Variants in CNTN5 observed in about 807,000 individuals in gnomAD.
CNTN5 encodes contactin-5.
In CNTN5, 77 loss-of-function variants were observed where a neutral mutation model predicts 129.1. The observed-to-expected ratio is 0.60, with a 90% CI of 0.50 to 0.72. The LOEUF (loss-of-function observed/expected upper bound fraction) is 0.72, where lower values mean the gene tolerates loss of function less well. CNTN5 is among the 30% of genes least tolerant of loss of function. CNTN5 has a pLI of 0.00. For synonymous variants in CNTN5, 509 were observed against 465.6 expected (o/e 1.09, Z -1.20); for missense variants, 1,478 against 1,328.8 (o/e 1.11, Z -1.75).
chr11:99,557,599 T>C (rs1486640117), intron 3 of CNTN5, among the ~76,000 whole-genome samples: 1 of 151,536 alleles, frequency 6.6e-6, no homozygotes, highest in African/African-American at 2.4e-5. Flanking sequence ...TAGAATCATT[T>C]AAGCTATATT....
At chr11:99,792,122 T>C (rs1376689409) in intron 3 of CNTN5, among the ~76,000 whole-genome samples, 5 of 152,068 alleles carry the variant, frequency 3.3e-5, no homozygotes, top group Admixed American at 6.6e-5. Context: ...TTGGCCAGGA[T>C]CTCCAATACT....
intron 1 of CNTN5, among the ~76,000 whole-genome samples, chr11:99,249,518 C>A (rs1178302407): frequency 6.6e-6 from 1 of 151,992 alleles, no homozygotes; most frequent in Non-Finnish European, 1.5e-5. Context: ...GAAAATATAT[C>A]AACCAGAAGT....
At chr11:99,677,066 G>C (rs997580417) in intron 3 of CNTN5, among the ~76,000 whole-genome samples, 2 of 148,820 alleles carry the variant, frequency 1.3e-5, no homozygotes, top group African/African-American at 4.9e-5. Flanking sequence ...AAATAAAAAC[G>C]TTCTAAATCT....
At chr11:100,117,615 C>T (rs922960644) in intron 13 of CNTN5, among the ~76,000 whole-genome samples, 2 of 151,902 alleles carry the variant, frequency 1.3e-5, no homozygotes, top group Admixed American at 6.6e-5. Context: ...ATTACCTTCA[C>T]CACCTGAAAA....
chr11:99,239,147 T>C (rs1327096325), intron 1 of CNTN5, among the ~76,000 whole-genome samples: 1 of 150,424 alleles, frequency 6.6e-6, no homozygotes, highest in Non-Finnish European at 1.5e-5. Context: ...GAATAGGTAA[T>C]TTTTTAAATA....
chr11:100,037,086 T>C (rs1440152886), intron 9 of CNTN5, among the ~76,000 whole-genome samples: 1 of 152,104 alleles, frequency 6.6e-6, no homozygotes, highest in Non-Finnish European at 1.5e-5. Flanking sequence ...GCCCATTCAC[T>C]ATGATATTGG....
chr11:99,254,277 A>T (rs61417311), intron 1 of CNTN5, among the ~76,000 whole-genome samples: 2,613 of 151,996 alleles, frequency 0.017, 88 homozygotes, highest in African/African-American at 0.06. Flanking sequence ...GACTTAGTTT[A>T]AAAAAATTAT....
intron 2 of CNTN5, among the ~76,000 whole-genome samples, chr11:99,515,317 G>A (rs1227940259): frequency 6.6e-6 from 1 of 152,016 alleles, no homozygotes; most frequent in Non-Finnish European, 1.5e-5. Context: ...AGAATTGATA[G>A]CCACAGCCTG....
intron 2 of CNTN5, among the ~76,000 whole-genome samples, chr11:99,336,108 CAGT>C (rs1469623801): frequency 2.0e-5 from 3 of 152,194 alleles, no homozygotes; most frequent in Middle Eastern, 6.8e-3. Flanking sequence ...TGTTTGTACA[CAGT>C]AGTAAATTCA....
At chr11:100,121,198 G>C (rs535616874) in intron 13 of CNTN5, among the ~76,000 whole-genome samples, 1 of 151,944 alleles carries the variant, frequency 6.6e-6, no homozygotes, top group African/African-American at 2.4e-5. Flanking sequence ...CAGGAGAGGG[G>C]AGAAGAGGAA....
At chr11:99,706,429 G>C (rs942045436) in intron 3 of CNTN5, among the ~76,000 whole-genome samples, 1 of 151,474 alleles carries the variant, frequency 6.6e-6, no homozygotes, top group Admixed American at 6.6e-5. Context: ...AAAATTCATA[G>C]ATGGTAGCTT....
rs570976065 is a variant in CNTN5 at position 99,949,001 on chromosome 11, CACTT to C, written c.674-7802_674-7799del. Among the ~76,000 whole-genome samples, 199 of 152,286 alleles carry C rather than the reference CACTT, an allele frequency of 1.3e-3. 1 individual carries two copies. The highest frequency in any genetic ancestry group is 4.7e-3 in the African/African-American group (196 of 41,562). On this transcript the variant is annotated intron_variant, in intron 7 of 24. Transcript: ENST00000524871. ...TGATACTCTTTGCCTTCTTTTGCCT[CACTT>C]ACCAGTGCTGCAGTGAAAGTTGTGT... is the stretch of plus-strand genomic sequence containing the variant.
At chr11:99,869,455 A>G (rs935708786) in intron 6 of CNTN5, among the ~76,000 whole-genome samples, 1 of 152,134 alleles carries the variant, frequency 6.6e-6, no homozygotes, top group African/African-American at 2.4e-5. Flanking sequence ...GTTTATTTTT[A>G]TGAAACTGGT....
intron 9 of CNTN5, among the ~76,000 whole-genome samples, chr11:100,040,413 G>A (rs1034986561): frequency 1.3e-5 from 2 of 152,204 alleles, no homozygotes; most frequent in Non-Finnish European, 2.9e-5. Context: ...CTACTCGGGG[G>A]TCATGGACCC....
intron 1 of CNTN5, among the ~76,000 whole-genome samples, chr11:99,255,480 C>A (rs752773787): frequency 1.3e-5 from 2 of 150,324 alleles, no homozygotes; most frequent in Non-Finnish European, 3.0e-5. Context: ...TAATATTACA[C>A]TAATATAATT....
At position 100,204,431 on chromosome 11, in the gene CNTN5, TATCTATAG is replaced by T. The variant is rs563427749; in HGVS notation, c.1884+10779_1884+10786del. ...TCTATATGGAGAGATGATATATAGA[TATCTATAG>T]ATCTATAGATATAGATCTGTAAATA... On this transcript the variant is annotated intron_variant, in intron 15 of 24. Coordinates refer to ENST00000524871, the MANE Select transcript of CNTN5 (RefSeq NM_014361.4). 1.4e-3 allele frequency among the ~76,000 whole-genome samples: 203 copies of T among 146,768 alleles called. 1 individual carries two copies. The East Asian group carries it at 0.027, about 20-fold the overall frequency.
intron 1 of CNTN5, among the ~76,000 whole-genome samples, chr11:99,256,998 T>C (rs1464872184): frequency 6.6e-6 from 1 of 152,094 alleles, no homozygotes; most frequent in Non-Finnish European, 1.5e-5. Flanking sequence ...ATAAAAATAA[T>C]ACTGATTAAG....
intron 1 of CNTN5, among the ~76,000 whole-genome samples, chr11:99,217,497 T>G (rs1478074328): frequency 1.3e-5 from 2 of 152,184 alleles, no homozygotes; most frequent in Admixed American, 1.3e-4. Context: ...TAAATTGGTA[T>G]AGCCACTATA....
intron 2 of CNTN5, among the ~76,000 whole-genome samples, chr11:99,508,696 TGACACGGAA>T (rs1946720484): frequency 2.8e-4 from 43 of 151,986 alleles, no homozygotes; most frequent in Non-Finnish European, 4.0e-4. Flanking sequence ...CTTTTTTTTT[TGACACGGAA>T]TTTTGTTCTT....
Sources: allele counts gnomAD v4.1 joint callset (sites outside exome capture counted in the v4.1 genomes callset), GRCh38; gene constraint gnomAD v4.1.1; transcripts MANE v1.5; gene names NCBI Gene and HGNC (gene_info 2026-07-23, HGNC 2026-07-21).